The following NLGN1 variants were observed in gnomAD, a reference collection of about 807,000 sequenced individuals.
NLGN1 encodes the protein neuroligin 1.
A neutral mutation model predicts 65.5 loss-of-function variants in NLGN1; 12 were observed. That is an observed-to-expected ratio of 0.18 (90% confidence interval 0.12 to 0.30). The LOEUF is 0.30. Ranked by LOEUF, NLGN1 falls within the 10% of genes least tolerant of loss-of-function variation. NLGN1 has a pLI of 1.00. For synonymous variants in NLGN1, 350 were observed against 359.5 expected (o/e 0.97, Z 0.30); for missense variants, 750 against 1,007.1 (o/e 0.74, Z 3.46).
At chr3:174,117,811 A>C (rs1395095864) in intron 4 of NLGN1, among the ~76,000 whole-genome samples, 1 of 151,846 alleles carries the variant, frequency 6.6e-6, no homozygotes, top group Non-Finnish European at 1.5e-5. Flanking sequence ...TTAGAAGGAA[A>C]CTCTATCACT....
intron 4 of NLGN1, among the ~76,000 whole-genome samples, chr3:173,987,043 C>T (rs915893687): frequency 6.6e-6 from 1 of 152,094 alleles, no homozygotes; most frequent in Non-Finnish European, 1.5e-5. Flanking sequence ...ACTTTGAAAC[C>T]CACTTTGTAC....
chr3:173,614,871 T>G (rs1284848780), intron 3 of NLGN1, among the ~76,000 whole-genome samples: 1 of 152,180 alleles, frequency 6.6e-6, no homozygotes, highest in Admixed American at 6.5e-5. Flanking sequence ...TTCTGTTGCC[T>G]TATTAAAATG....
chr3:173,789,473 A>G (rs1218920443), intron 3 of NLGN1, among the ~76,000 whole-genome samples: 1 of 152,162 alleles, frequency 6.6e-6, no homozygotes, highest in Non-Finnish European at 1.5e-5. Context: ...ATCCTACCAC[A>G]ATCTCCCAAG....
intron 4 of NLGN1, among the ~76,000 whole-genome samples, chr3:173,981,028 C>T (rs1345950269): frequency 6.6e-6 from 1 of 151,986 alleles, no homozygotes; most frequent in African/African-American, 2.4e-5. Context: ...TATACCAAAT[C>T]CTAATAATAG....
intron 4 of NLGN1, among the ~76,000 whole-genome samples, chr3:173,992,025 A>C (rs1051494632): frequency 9.9e-5 from 15 of 151,998 alleles, no homozygotes; most frequent in Non-Finnish European, 2.2e-4. Context: ...ATGGGGTTTC[A>C]CTATGTTGGT....
At chr3:173,727,353 GT>G (rs1320232735) in intron 3 of NLGN1, among the ~76,000 whole-genome samples, 1 of 152,104 alleles carries the variant, frequency 6.6e-6, no homozygotes, top group Non-Finnish European at 1.5e-5. Flanking sequence ...CCAATATCTA[GT>G]TTTCAATTAT....
At chr3:173,538,520 AT>A (rs1737842941) in intron 2 of NLGN1, among the ~76,000 whole-genome samples, 1 of 152,190 alleles carries the variant, frequency 6.6e-6, no homozygotes, top group Non-Finnish European at 1.5e-5. Context: ...TCCAGGGTAA[AT>A]GTATATTTCA....
At chr3:173,864,637 G>A (rs1461272036) in intron 4 of NLGN1, among the ~76,000 whole-genome samples, 1 of 152,036 alleles carries the variant, frequency 6.6e-6, no homozygotes, top group African/African-American at 2.4e-5. Context: ...CATTAATTTT[G>A]GAACCATGCC....
chr3:174,031,526 G>A (rs1730022635), intron 4 of NLGN1, among the ~76,000 whole-genome samples: 1 of 152,070 alleles, frequency 6.6e-6, no homozygotes, highest in African/African-American at 2.4e-5. Flanking sequence ...ACGACAACAA[G>A]CCATTGTTGA....
At chr3:173,468,078 A>C (rs958329716) in intron 2 of NLGN1, among the ~76,000 whole-genome samples, 5 of 152,222 alleles carry the variant, frequency 3.3e-5, no homozygotes, top group African/African-American at 1.2e-4. Context: ...ATGATTGCAC[A>C]CTGAATGTCT....
chr3:173,824,383 A>G (rs979481059), intron 4 of NLGN1, among the ~76,000 whole-genome samples: 3 of 152,150 alleles, frequency 2.0e-5, no homozygotes, highest in African/African-American at 7.2e-5. Context: ...TGCTAGTTTT[A>G]TTAAAATTGA....
At chr3:173,808,902 G>A (rs1163566811) in intron 4 of NLGN1, among the ~76,000 whole-genome samples, 2 of 152,054 alleles carry the variant, frequency 1.3e-5, no homozygotes, top group Non-Finnish European at 2.9e-5. Context: ...TTCCCCTTCA[G>A]TGTTATTGTA....
intron 4 of NLGN1, among the ~76,000 whole-genome samples, chr3:174,253,554 A>G (rs150555985): frequency 6.6e-6 from 1 of 152,332 alleles, no homozygotes; most frequent in East Asian, 1.9e-4. Flanking sequence ...GTGGCATTAC[A>G]GGTCAAATCA....
chr3:173,453,614 G>A (rs1415045564), intron 2 of NLGN1, among the ~76,000 whole-genome samples: 2 of 152,112 alleles, frequency 1.3e-5, no homozygotes, highest in African/African-American at 2.4e-5. Flanking sequence ...GGAAGATTCT[G>A]TCTCCATAAA....
intron 2 of NLGN1, among the ~76,000 whole-genome samples, chr3:173,530,028 G>A (rs1213908734): frequency 6.6e-6 from 1 of 151,396 alleles, no homozygotes; most frequent in Non-Finnish European, 1.5e-5. Context: ...CGCGATCTCA[G>A]CTTACTGCAA....
chr3:173,654,916 A>G (rs1759752336), intron 3 of NLGN1, among the ~76,000 whole-genome samples: 1 of 152,148 alleles, frequency 6.6e-6, no homozygotes. Flanking sequence ...ATATGTAAGC[A>G]TAGAGCCAGT....
At chr3:173,591,741 T>C (rs1290597851) in intron 2 of NLGN1, among the ~76,000 whole-genome samples, 1 of 152,144 alleles carries the variant, frequency 6.6e-6, no homozygotes, top group East Asian at 1.9e-4. Context: ...TTTTCCACTC[T>C]TCCCAGGCAT....
chr3:173,533,877 G>A (rs1170657504), intron 2 of NLGN1, among the ~76,000 whole-genome samples: 10 of 152,056 alleles, frequency 6.6e-5, no homozygotes, highest in African/African-American at 2.4e-4. Flanking sequence ...AGCTGCTTGG[G>A]AGGATGAGGT....
intron 4 of NLGN1, among the ~76,000 whole-genome samples, chr3:174,271,026 A>G (rs1749299184): frequency 6.6e-6 from 1 of 151,740 alleles, no homozygotes; most frequent in African/African-American, 2.4e-5. Flanking sequence ...ATACTTAGCA[A>G]TGTGACTCAA....
Sources: allele counts gnomAD v4.1 joint callset (sites outside exome capture counted in the v4.1 genomes callset), GRCh38; gene constraint gnomAD v4.1.1; transcripts MANE v1.5; gene names NCBI Gene and HGNC (gene_info 2026-07-23, HGNC 2026-07-21).